The following TC2N variants were observed in gnomAD, a reference collection of about 807,000 sequenced individuals.
The protein encoded by TC2N is tandem C2 domains, nuclear, also known as tandem C2 domains nuclear protein.
In TC2N, 51 loss-of-function variants were observed where a neutral mutation model predicts 61.9. The observed-to-expected ratio is 0.82, with a 90% confidence interval of 0.66 to 1.04. TC2N has a LOEUF of 1.04. Among genes scored for constraint, TC2N ranks in the 50% least tolerant of loss-of-function variants. TC2N has a pLI of 0.00. For synonymous variants in TC2N, 204 were observed against 192.6 expected (o/e 1.06, Z -0.49); for missense variants, 556 against 566.7 (o/e 0.98, Z 0.19).
intron 1 of TC2N, among the ~76,000 whole-genome samples, chr14:91,828,263 C>A (rs1887589316): frequency 6.6e-6 from 1 of 152,060 alleles, no homozygotes; most frequent in African/African-American, 2.4e-5. Context: ...CACATGGACA[C>A]ATTATCTAGC....
chr14:91,790,970 C>T (rs1307631501), intron 9 of TC2N, among the ~76,000 whole-genome samples: 3 of 151,802 alleles, frequency 2.0e-5, no homozygotes, highest in African/African-American at 4.8e-5. Flanking sequence ...CTTATCTCTA[C>T]TAAAAATTTA....
Position 91,781,620 on chromosome 14 carries a change from CA to C in TC2N, c.*1479del, listed in dbSNP as rs1048750315. ...TCGTCTCAGATTCAAAATATTATCA[CA>C]CAGGTGATTTATCTTAAAAATCCAT... On this transcript the variant is annotated 3_prime_UTR_variant, in exon 12 of 12. Transcript: ENST00000435962. The C allele has an allele frequency of 8.6e-5, 13 of 152,000 alleles. No homozygotes were observed. Among genetic ancestry groups the C allele is most frequent in the African/African-American group, 2.9e-4 (12 of 41,408 alleles). The allele number at this position is 152,000 out of a possible 1,614,324, so 9.4% of individuals were successfully genotyped here.
intron 1 of TC2N, among the ~76,000 whole-genome samples, chr14:91,844,363 G>A (rs531523529): frequency 6.6e-6 from 1 of 152,306 alleles, no homozygotes; most frequent in East Asian, 1.9e-4. Flanking sequence ...GGGAGGAAGA[G>A]CCAAACAACA....
intron 1 of TC2N, among the ~76,000 whole-genome samples, chr14:91,850,423 G>A (rs917958506): frequency 1.3e-5 from 2 of 152,186 alleles, no homozygotes; most frequent in East Asian, 3.9e-4. Context: ...ATCAGTACCA[G>A]CCTGTGGCCT....
intron 1 of TC2N, among the ~76,000 whole-genome samples, chr14:91,848,419 A>T (rs1888310264): frequency 6.6e-6 from 1 of 152,130 alleles, no homozygotes; most frequent in Non-Finnish European, 1.5e-5. Context: ...GTGACTGCAG[A>T]CCTTCCCTTT....
rs1330837548 is a variant in TC2N, at chr14:91,802,287, G to C, written c.436C>G (p.Pro146Ala). ...ISPDLSRRFP[P>A]RSEVKRLYGS... ...TACAGTCTCTTCACTTCTGAACGGG[G>C]AGGAAAGCGTCGACTCAAATCAGGT... Residue 146 changes from proline (P) to alanine (A), a missense_variant, in exon 4 of 12, where the codon CCC becomes GCC. By Grantham distance (27) the Pro-to-Ala change is conservative (BLOSUM62 -1). Coordinates refer to ENST00000435962, the MANE Select transcript of TC2N (RefSeq NM_001128596.3). 2 of 1,600,472 alleles carry C rather than the reference G, an allele frequency of 1.2e-6. No homozygotes were observed. Among genetic ancestry groups the C allele is most frequent in the East Asian group, 2.3e-5 (1 of 43,686 alleles).
chr14:91,789,577 C>CT (rs1165824214), intron 9 of TC2N, among the ~76,000 whole-genome samples: 1 of 150,950 alleles, frequency 6.6e-6, no homozygotes, highest in South Asian at 2.1e-4. Flanking sequence ...CACCACTGCA[C>CT]TCCAGCCTGG....
intron 8 of TC2N, among the ~76,000 whole-genome samples, chr14:91,796,132 G>A (rs1281183584): frequency 6.6e-6 from 1 of 151,926 alleles, no homozygotes; most frequent in East Asian, 1.9e-4. Flanking sequence ...AAGTAAAATT[G>A]TTTAATTCAG....
chr14:91,801,083 T>TAC (rs1330533676), intron 4 of TC2N, among the ~76,000 whole-genome samples: 116 of 139,600 alleles, frequency 8.3e-4, no homozygotes, highest in Middle Eastern at 3.7e-3. Flanking sequence ...TGTGTGTGTA[T>TAC]ATATATATAT....
rs1350885397 is a variant in TC2N, at chr14:91,783,226, T to G, written c.1363-16A>C. Reference sequence around the variant, plus strand: ...TTATCCAAATCTGTAAAGGAAAGTATGTACAATCATTTAACTTGACACAAT... The same window carrying G: ...TTATCCAAATCTGTAAAGGAAAGTAGGTACAATCATTTAACTTGACACAAT... On this transcript the variant is annotated splice_polypyrimidine_tract_variant and intron_variant, in intron 11 of 11. Transcript: ENST00000435962. 2.1e-6 allele frequency: 3 copies of G among 1,404,232 alleles called. No individual in the cohort carries two copies. Among genetic ancestry groups the G allele is most frequent in the Admixed American group, 1.7e-5 (1 of 57,962 alleles). 87.0% of individuals were successfully genotyped at this position (1,404,232 alleles called of 1,614,324 possible).
intron 3 of TC2N, among the ~76,000 whole-genome samples, chr14:91,807,439 C>T (rs1401681776): frequency 6.6e-6 from 1 of 152,192 alleles, no homozygotes; most frequent in Non-Finnish European, 1.5e-5. Context: ...GGTGGAGCTG[C>T]CCAAGACCAT....
rs955030382 is a variant in TC2N at position 91,780,819 on chromosome 14, T to A, written c.*2281A>T. 1 of 152,126 alleles carries A rather than the reference T, an allele frequency of 6.6e-6. No homozygotes were observed. Among genetic ancestry groups the A allele is most frequent in the African/African-American group, 2.4e-5 (1 of 41,414 alleles). 9.4% of individuals were successfully genotyped at this position (152,126 alleles called of 1,614,324 possible). ...CATACCTATTAGCAGGAGATTGGAT[T>A]TTTATTTATAGGTCCACATAAAGCT... On this transcript the variant is annotated 3_prime_UTR_variant, in exon 12 of 12. Transcript: ENST00000435962.
At chr14:91,791,374 T>A (rs1402779347) in intron 9 of TC2N, among the ~76,000 whole-genome samples, 1 of 152,168 alleles carries the variant, frequency 6.6e-6, no homozygotes, top group East Asian at 1.9e-4. Flanking sequence ...TTAAATATTT[T>A]TGGAAACAGG....
At chr14:91,793,761 C>A (rs1885771835) in intron 8 of TC2N, among the ~76,000 whole-genome samples, 1 of 152,086 alleles carries the variant, frequency 6.6e-6, no homozygotes, top group African/African-American at 2.4e-5. Flanking sequence ...CTCCCTGTTT[C>A]CTAAGACACA....
chr14:91,813,547 T>C (rs1326671225), intron 2 of TC2N, among the ~76,000 whole-genome samples, 156 bp downstream of exon 2: 1 of 151,726 alleles, frequency 6.6e-6, no homozygotes, highest in East Asian at 1.9e-4. Context: ...TCCCCTATGC[T>C]CCAGACTACT....
At chr14:91,823,029 T>C (rs1238727578) in intron 1 of TC2N, among the ~76,000 whole-genome samples, 1 of 152,080 alleles carries the variant, frequency 6.6e-6, no homozygotes, top group East Asian at 1.9e-4. Context: ...CTCATTATCT[T>C]GACTGTGGTG....
chr14:91,824,558 C>T (rs996888136), intron 1 of TC2N, among the ~76,000 whole-genome samples: 1 of 152,202 alleles, frequency 6.6e-6, no homozygotes, highest in Non-Finnish European at 1.5e-5. Flanking sequence ...TCCACACATC[C>T]AATTCATCCA....
intron 3 of TC2N, among the ~76,000 whole-genome samples, chr14:91,807,205 C>A (rs1792613092): frequency 6.6e-6 from 1 of 152,324 alleles, no homozygotes; most frequent in Admixed American, 6.5e-5. Flanking sequence ...TCATGGAGAA[C>A]CTCTGCTAGG....
chr14:91,836,891 C>A (rs958982653), intron 1 of TC2N, among the ~76,000 whole-genome samples: 1 of 152,114 alleles, frequency 6.6e-6, no homozygotes, highest in Non-Finnish European at 1.5e-5. Flanking sequence ...GTCTTTCTGG[C>A]GATGTTTATG....
Sources: gnomAD v4.1 joint callset for allele counts (sites outside exome capture counted in the v4.1 genomes callset) on GRCh38, gnomAD v4.1.1 for gene constraint, MANE v1.5 for transcripts, NCBI Gene and HGNC (gene_info 2026-07-23, HGNC 2026-07-21) for gene names.